Variants in CNTN5 observed in about 807,000 individuals in gnomAD.
CNTN5 encodes contactin 5.
In CNTN5, 77 loss-of-function variants were observed where a neutral mutation model predicts 129.1. The observed-to-expected ratio is 0.60, with a 90% CI of 0.50 to 0.72. The LOEUF (loss-of-function observed/expected upper bound fraction) is 0.72. CNTN5 is among the 30% of genes least tolerant of loss of function. CNTN5 has a pLI of 0.00. For synonymous variants in CNTN5, 509 were observed against 465.6 expected, an observed-to-expected ratio of 1.09 and a Z score of -1.20; for missense variants, 1,478 against 1,328.8, an observed-to-expected ratio of 1.11 and a Z score of -1.75.
chr11:99,474,280 T>C (rs1022381413), intron 2 of CNTN5, among the ~76,000 whole-genome samples: 4 of 152,092 alleles, frequency 2.6e-5, no homozygotes, highest in African/African-American at 9.7e-5. Context: ...TATGATCTGC[T>C]GGAGCTCAAA....
intron 8 of CNTN5, among the ~76,000 whole-genome samples, chr11:99,975,096 C>T (rs752737862): frequency 6.6e-6 from 1 of 152,188 alleles, no homozygotes; most frequent in Non-Finnish European, 1.5e-5. Context: ...CTGATTTTGC[C>T]TTTGTTTAAA....
At position 99,922,077 on chromosome 11, in the gene CNTN5, A is replaced by G. The variant is rs190620534; in HGVS notation, c.673+5928A>G. On this transcript the variant is annotated intron_variant, in intron 7 of 24. Transcript: ENST00000524871. ...AGAAATACCTGATACCGGGTAATTT[A>G]TAAAGAAAAAGAGGTTTAATGGACT... Among the ~76,000 whole-genome samples, 261 of 152,302 alleles carry G rather than the reference A, an allele frequency of 1.7e-3. 2 individuals carry two copies. The highest frequency in any genetic ancestry group is 5.4e-3 in the South Asian group (26 of 4,830).
intron 2 of CNTN5, among the ~76,000 whole-genome samples, chr11:99,340,708 A>G (rs774819913): frequency 9.2e-5 from 14 of 152,310 alleles, no homozygotes; most frequent in Non-Finnish European, 1.3e-4. Flanking sequence ...AAAGAAAGCA[A>G]GTACAGATAG....
chr11:99,176,669 T>A (rs1396223497), intron 1 of CNTN5, among the ~76,000 whole-genome samples: 4 of 152,174 alleles, frequency 2.6e-5, no homozygotes, highest in Non-Finnish European at 5.9e-5. Context: ...GATTCTACAT[T>A]CAAAATATTT....
At chr11:99,331,481 CA>C (rs1453555744) in intron 2 of CNTN5, among the ~76,000 whole-genome samples, 1 of 151,752 alleles carries the variant, frequency 6.6e-6, no homozygotes, top group African/African-American at 2.4e-5. Context: ...TTTAGACCCA[CA>C]AAAAGCAGTT....
At chr11:99,275,377 A>T (rs1341135958) in intron 1 of CNTN5, among the ~76,000 whole-genome samples, 3 of 151,620 alleles carry the variant, frequency 2.0e-5, no homozygotes, top group Non-Finnish European at 3.0e-5. Context: ...CTATAATTAA[A>T]TTATATATGT....
chr11:99,863,876 G>C (rs1440304341), intron 6 of CNTN5, among the ~76,000 whole-genome samples: 1 of 152,178 alleles, frequency 6.6e-6, no homozygotes, highest in Non-Finnish European at 1.5e-5. Context: ...TTAGGCAACA[G>C]ATGGATAGTG....
intron 13 of CNTN5, among the ~76,000 whole-genome samples, chr11:100,122,980 T>C (rs766027519): frequency 2.0e-4 from 31 of 152,028 alleles, no homozygotes; most frequent in Non-Finnish European, 4.0e-4. Flanking sequence ...ATTTGACTGA[T>C]TTGCTGTGTG....
intron 9 of CNTN5, among the ~76,000 whole-genome samples, chr11:100,038,164 T>G (rs1478374399): frequency 7.9e-5 from 12 of 152,226 alleles, no homozygotes; most frequent in Non-Finnish European, 4.4e-5. Flanking sequence ...TCTGGTATGT[T>G]GTGTCTTTGT....
chr11:99,074,436 C>A (rs1865477353), intron 1 of CNTN5, among the ~76,000 whole-genome samples: 1 of 152,090 alleles, frequency 6.6e-6, no homozygotes, highest in Non-Finnish European at 1.5e-5. Context: ...ACTGTAGAAA[C>A]CCTAGAAGAA....
chr11:100,002,342 AT>A (rs1238474875), intron 9 of CNTN5, among the ~76,000 whole-genome samples: 5 of 152,016 alleles, frequency 3.3e-5, no homozygotes, highest in Non-Finnish European at 7.4e-5. Context: ...AGTTTCTATA[AT>A]TTTGCTATTT....
At chr11:99,125,119 G>A (rs555117885) in intron 1 of CNTN5, among the ~76,000 whole-genome samples, 95 of 152,116 alleles carry the variant, frequency 6.2e-4, no homozygotes, top group African/African-American at 2.2e-3. Context: ...ATTCTGTGTG[G>A]CCAACATTAT....
At chr11:99,242,994 C>T (rs1861637204) in intron 1 of CNTN5, among the ~76,000 whole-genome samples, 1 of 152,116 alleles carries the variant, frequency 6.6e-6, no homozygotes, top group Non-Finnish European at 1.5e-5. Flanking sequence ...TTTGGATATA[C>T]ACCCAGTAAT....
chr11:99,478,179 C>A (rs575187159), intron 2 of CNTN5, among the ~76,000 whole-genome samples: 5 of 152,168 alleles, frequency 3.3e-5, no homozygotes, highest in African/African-American at 7.2e-5. Flanking sequence ...TGGGCTGTGC[C>A]TTCCTCCAGT....
chr11:99,890,521 GAAAC>G (rs974014549), intron 6 of CNTN5, among the ~76,000 whole-genome samples: 4 of 151,770 alleles, frequency 2.6e-5, no homozygotes, highest in Non-Finnish European at 4.4e-5. Flanking sequence ...ATATATGACT[GAAAC>G]ATACATGTAT....
intron 1 of CNTN5, among the ~76,000 whole-genome samples, chr11:99,266,046 T>C (rs1319256770): frequency 6.6e-6 from 1 of 152,062 alleles, no homozygotes; most frequent in Non-Finnish European, 1.5e-5. Flanking sequence ...ATTAAGTTTG[T>C]CAGAGGAAGA....
chr11:99,754,104 GGT>G (rs1460290024), intron 3 of CNTN5, among the ~76,000 whole-genome samples: 1 of 152,150 alleles, frequency 6.6e-6, no homozygotes, highest in East Asian at 1.9e-4. Context: ...CATAGGTAGT[GGT>G]GTAAGGCCAA....
intron 2 of CNTN5, among the ~76,000 whole-genome samples, chr11:99,328,883 A>AG (rs1371743426): frequency 1.4e-5 from 2 of 143,736 alleles, no homozygotes; most frequent in African/African-American, 5.4e-5. Flanking sequence ...AAAAAAAAAA[A>AG]AAAAAGAAAA....
chr11:100,140,687 A>C (rs565942476), intron 13 of CNTN5, among the ~76,000 whole-genome samples: 3 of 152,312 alleles, frequency 2.0e-5, no homozygotes, highest in African/African-American at 7.2e-5. Context: ...AAGCCAGAGA[A>C]GTAGAATAAT....
Sources: allele counts gnomAD v4.1 joint callset (sites outside exome capture counted in the v4.1 genomes callset), GRCh38; gene constraint gnomAD v4.1.1; transcripts MANE v1.5; gene names NCBI Gene and HGNC (gene_info 2026-07-23, HGNC 2026-07-21).